Variants in ARMH4 observed in about 807,000 individuals in gnomAD.
The protein encoded by ARMH4 is armadillo-like helical domain-containing protein 4.
A neutral mutation model predicts 61.9 loss-of-function variants in ARMH4; 49 were observed. The observed-to-expected ratio is 0.79, with a 90% CI of 0.63 to 1.00. ARMH4 has a LOEUF of 1.00. Among genes scored for constraint, ARMH4 ranks in the 50% least tolerant of loss-of-function variants. ARMH4 has a pLI of 0.00. For synonymous variants in ARMH4, 368 were observed against 341.5 expected (o/e 1.08, Z -0.85); for missense variants, 934 against 930.0 (o/e 1.00, Z -0.06).
At chr14:58,098,201 T>C (rs1014814188) in intron 4 of ARMH4, among the ~76,000 whole-genome samples, 2 of 152,250 alleles carry the variant, frequency 1.3e-5, no homozygotes, top group African/African-American at 4.8e-5. Context: ...CCACCCATAC[T>C]ACCTTTCCTC....
At chr14:58,068,181 C>CA (rs1884765524) in intron 5 of ARMH4, among the ~76,000 whole-genome samples, 2 of 152,084 alleles carry the variant, frequency 1.3e-5, no homozygotes, top group African/African-American at 4.8e-5. Context: ...AAACTGACTA[C>CA]AAAAATCAAC....
intron 5 of ARMH4, among the ~76,000 whole-genome samples, chr14:58,060,369 CT>C (rs1458377919): frequency 6.6e-6 from 1 of 152,180 alleles, no homozygotes; most frequent in Non-Finnish European, 1.5e-5. Context: ...CCTCTTTATT[CT>C]AACTCGTGGA....
intron 4 of ARMH4, among the ~76,000 whole-genome samples, chr14:58,106,270 G>C (rs1886162892): frequency 6.6e-6 from 1 of 152,128 alleles, no homozygotes; most frequent in African/African-American, 2.4e-5. Context: ...GCTCCTGCTA[G>C]CATGTCCACT....
At position 58,112,914 on chromosome 14, in the gene ARMH4, TTC is replaced by T. The variant is rs776459914; in HGVS notation, c.1832-15935_1832-15934del. On this transcript the variant is annotated intron_variant, in intron 4 of 7. Transcript: ENST00000267485. ...TTCCTTTAAATCTGGATCTTCAGAT[TTC>T]TCTCTTTGTCTTCATTGTTCTTTCA... is the stretch of plus-strand genomic sequence containing the variant. 3.3e-5 allele frequency among the ~76,000 whole-genome samples: 5 copies of T among 152,310 alleles called. No homozygotes were observed. In the East Asian group the frequency reaches 9.6e-4, roughly 29 times the overall value.
intron 5 of ARMH4, among the ~76,000 whole-genome samples, chr14:58,042,160 A>T (rs1266164843): frequency 6.6e-6 from 1 of 152,192 alleles, no homozygotes; most frequent in Non-Finnish European, 1.5e-5. Flanking sequence ...TCAGCACCAC[A>T]TCACATTTAT....
intron 4 of ARMH4, among the ~76,000 whole-genome samples, chr14:58,123,645 G>A (rs770539579): frequency 6.6e-6 from 1 of 152,124 alleles, no homozygotes; most frequent in Non-Finnish European, 1.5e-5. Context: ...CCTTAAGGAT[G>A]CCTTTTTCAG....
chr14:58,034,369 C>G (rs1883390426), intron 5 of ARMH4, among the ~76,000 whole-genome samples: 1 of 113,420 alleles, frequency 8.8e-6, no homozygotes, highest in South Asian at 3.1e-4. Context: ...ATTTTGTCAC[C>G]ACCAGGCCTG....
chr14:58,137,908 C>A, intron 2 of ARMH4, 82 bp downstream of exon 2: 2 of 1,356,674 alleles, frequency 1.5e-6, no homozygotes, highest in African/African-American at 2.9e-5. Flanking sequence ...AAAACTTCAA[C>A]CTATTTCTAA....
At chr14:58,005,507 T>A (rs919322361) in intron 6 of ARMH4, among the ~76,000 whole-genome samples, 1 of 152,144 alleles carries the variant, frequency 6.6e-6, no homozygotes, top group Non-Finnish European at 1.5e-5. Flanking sequence ...TAAAGATGGA[T>A]GAAGTAAGCC....
At chr14:58,031,673 T>A (rs1378331667) in intron 5 of ARMH4, among the ~76,000 whole-genome samples, 1 of 152,126 alleles carries the variant, frequency 6.6e-6, no homozygotes, top group South Asian at 2.1e-4. Flanking sequence ...GAAAAAGGCT[T>A]CCAAAATTGT....
chr14:58,096,664 A>G, intron 5 of ARMH4, 60 bp downstream of exon 5: 1 of 1,551,166 alleles, frequency 6.4e-7, no homozygotes, highest in Non-Finnish European at 8.8e-7. Context: ...GAAGGCTGTC[A>G]TCTGAGAAAT....
At position 58,139,271 on chromosome 14, in the gene ARMH4, TG is replaced by T. The variant is rs771211877; in HGVS notation, c.87del (p.Ile31Ter). Reference protein sequence around the residue: ...FSVATQCLAFPKIERRREIAH... With the variant: ...FSVATQCLAFXKIERRREIAH... ...GCTATCTCCCTCCTCCTTTCTATTT[TG>T]GGGAAGGCCAGACATTGTGTGGCAA... On this transcript the variant is annotated frameshift_variant, in exon 2 of 8. Transcript: ENST00000267485. LOFTEE classifies it high-confidence loss of function. 5 of 1,614,140 alleles carry T rather than the reference TG, an allele frequency of 3.1e-6. No homozygotes were observed. The South Asian group carries it at 5.5e-5, about 18-fold the overall frequency.
intron 5 of ARMH4, among the ~76,000 whole-genome samples, chr14:58,094,167 T>C (rs1374058942): frequency 6.6e-6 from 1 of 151,636 alleles, no homozygotes. Flanking sequence ...CTGTCTCTAC[T>C]AAAAATACAA....
At chr14:58,062,127 C>T (rs1884551975) in intron 5 of ARMH4, among the ~76,000 whole-genome samples, 1 of 152,104 alleles carries the variant, frequency 6.6e-6, no homozygotes, top group Non-Finnish European at 1.5e-5. Flanking sequence ...CCACTTGAGG[C>T]TAGGAGTTTG....
Position 58,133,174 on chromosome 14 carries a change from G to T in ARMH4, c.1537C>A (p.Leu513Met). Residue 513 changes from leucine (L) to methionine (M), a missense_variant, in exon 3 of 8, where the codon CTG (leucine) becomes ATG (methionine). By Grantham distance (15) the Leu-to-Met change is conservative. Transcript: ENST00000267485. ...GCCAGAGGCTCCCATCTTCTTGACA[G>T]CTGAGTAACACCAGGAACGTCAGAC... is the stretch of plus-strand genomic sequence containing the variant. ...PVSDVPGVTQ[L>M]SRRWEPLATT... The T allele has an allele frequency of 7.4e-6, 12 of 1,614,130 alleles. No individual in the cohort carries two copies. The highest frequency in any genetic ancestry group is 1.0e-5 in the Non-Finnish European group (12 of 1,180,024).
chr14:58,081,504 CT>C (rs775771053), intron 5 of ARMH4, among the ~76,000 whole-genome samples: 640 of 141,526 alleles, frequency 4.5e-3, no homozygotes, highest in Admixed American at 4.8e-3. Context: ...AAGTTCATAT[CT>C]TTTTTTTTTT....
At chr14:58,067,716 T>C (rs565865532) in intron 5 of ARMH4, among the ~76,000 whole-genome samples, 1 of 152,320 alleles carries the variant, frequency 6.6e-6, no homozygotes, top group African/African-American at 2.4e-5. Context: ...TCCAGCTTCA[T>C]AGCCAGAATA....
chr14:58,028,414 A>G (rs1186564863), intron 5 of ARMH4, among the ~76,000 whole-genome samples: 1 of 152,194 alleles, frequency 6.6e-6, no homozygotes, highest in Non-Finnish European at 1.5e-5. Context: ...TCTTGCATCA[A>G]GAAGTCAAGG....
At chr14:58,069,369 C>G (rs1884810117) in intron 5 of ARMH4, among the ~76,000 whole-genome samples, 1 of 152,132 alleles carries the variant, frequency 6.6e-6, no homozygotes, top group Non-Finnish European at 1.5e-5. Flanking sequence ...TTTCTGCCTT[C>G]AAGTAGCTCA....
Sources: gnomAD v4.1 joint callset for allele counts (sites outside exome capture counted in the v4.1 genomes callset) on GRCh38, gnomAD v4.1.1 for gene constraint, MANE v1.5 for transcripts, NCBI Gene and HGNC (gene_info 2026-07-23, HGNC 2026-07-21) for gene names.